ZNF727: variants seen among roughly 807,000 people sequenced by gnomAD.
ZNF727 encodes the protein zinc finger protein 727.
A neutral mutation model predicts 11.5 loss-of-function variants in ZNF727; 11 were observed. That is an observed-to-expected ratio of 0.95 (90% CI 0.60 to 1.58). The LOEUF is 1.58. Among genes scored for constraint, ZNF727 ranks in the 40% most tolerant of loss-of-function variants. ZNF727 has a pLI of 0.00. For missense variants in ZNF727, 533 were observed against 581.7 expected, an observed-to-expected ratio of 0.92 and a Z score of 0.86; for synonymous variants, 171 against 196.1, an observed-to-expected ratio of 0.87 and a Z score of 1.07.
At chr7:64,066,993 A>T (rs1353389005) in intron 1 of ZNF727, among the ~76,000 whole-genome samples, 6 of 152,152 alleles carry the variant, frequency 3.9e-5, no homozygotes, top group Non-Finnish European at 7.4e-5. Context: ...AATTTTTGCA[A>T]TCTATCCATC....
intron 2 of ZNF727, 86 bp downstream of exon 2, chr7:64,069,103 A>G: frequency 7.1e-7 from 1 of 1,400,398 alleles, no homozygotes; most frequent in Non-Finnish European, 9.4e-7. Flanking sequence ...CTTTGCATAA[A>G]TGAGTTTCAG....
At chr7:64,045,675 C>G in intron 1 of ZNF727, 51 bp downstream of exon 1, 1 of 1,553,404 alleles carries the variant, frequency 6.4e-7, no homozygotes, top group South Asian at 1.2e-5. Flanking sequence ...CTGTTTGAAT[C>G]CGGTCGGAAC....
intron 3 of ZNF727, among the ~76,000 whole-genome samples, chr7:64,074,203 G>A (rs1562797276): frequency 1.3e-5 from 2 of 152,162 alleles, no homozygotes; most frequent in African/African-American, 2.4e-5. Flanking sequence ...GTCCAAAGGC[G>A]AAGGAGAAAA....
chr7:64,065,971 G>C (rs1401828013), intron 1 of ZNF727, among the ~76,000 whole-genome samples: 2 of 152,096 alleles, frequency 1.3e-5, no homozygotes, highest in Non-Finnish European at 2.9e-5. Context: ...CAGGTCCTTG[G>C]TTATCACTGA....
chr7:64,061,206 T>C (rs1022284523), intron 1 of ZNF727, among the ~76,000 whole-genome samples: 1 of 152,146 alleles, frequency 6.6e-6, no homozygotes, highest in Non-Finnish European at 1.5e-5. Flanking sequence ...ATAGTGCAGA[T>C]TAAGTCCAAT....
At chr7:64,051,983 G>A (rs1347004831) in intron 1 of ZNF727, among the ~76,000 whole-genome samples, 4 of 152,136 alleles carry the variant, frequency 2.6e-5, no homozygotes, top group Non-Finnish European at 4.4e-5. Flanking sequence ...CATTTGCAAG[G>A]TGAAGCTCCA....
At chr7:64,074,961 T>TC (rs1292340266) in intron 3 of ZNF727, among the ~76,000 whole-genome samples, 1 of 152,088 alleles carries the variant, frequency 6.6e-6, no homozygotes, top group African/African-American at 2.4e-5. Context: ...TTTTTTTCTT[T>TC]CTTTCTGATT....
intron 1 of ZNF727, among the ~76,000 whole-genome samples, chr7:64,060,372 A>G (rs1789751081): frequency 6.6e-6 from 1 of 152,222 alleles, no homozygotes; most frequent in African/African-American, 2.4e-5. Flanking sequence ...GATACGCACA[A>G]GGCTTTAGTT....
rs1398854705 is a variant in ZNF727, at chr7:64,082,220, G to A, written c.*3671G>A. 1.3e-5 allele frequency among the ~76,000 whole-genome samples: 2 copies of A among 152,190 alleles called. No homozygotes were observed. The highest frequency in any genetic ancestry group is 2.9e-5 in the Non-Finnish European group (2 of 68,048). On this transcript the variant is annotated 3_prime_UTR_variant, in exon 4 of 4. Transcript: ENST00000456806. ...GCTCTGTCTAGGGAGTTGCGAAGTT[G>A]CTACTGGCTCAATAGCTCTGGCAAT...
At chr7:64,047,758 C>G (rs998517458) in intron 1 of ZNF727, among the ~76,000 whole-genome samples, 6 of 152,078 alleles carry the variant, frequency 3.9e-5, no homozygotes, top group Non-Finnish European at 7.4e-5. Context: ...ATTTTTTTCC[C>G]TCTCAACCCT....
chr7:64,072,583 A>G (rs1789979077), intron 3 of ZNF727, among the ~76,000 whole-genome samples: 1 of 152,112 alleles, frequency 6.6e-6, no homozygotes, highest in Non-Finnish European at 1.5e-5. Flanking sequence ...AGTAAAGGCC[A>G]AGGTCTGCAG....
At chr7:64,065,885 G>A (rs902945637) in intron 1 of ZNF727, among the ~76,000 whole-genome samples, 8 of 152,238 alleles carry the variant, frequency 5.3e-5, no homozygotes, top group Admixed American at 5.2e-4. Flanking sequence ...ATAACCTGCA[G>A]CATTACAAAT....
At chr7:64,053,468 G>A (rs1447588248) in intron 1 of ZNF727, among the ~76,000 whole-genome samples, 2 of 152,072 alleles carry the variant, frequency 1.3e-5, no homozygotes, top group Non-Finnish European at 2.9e-5. Flanking sequence ...TTACAGGTGT[G>A]TGCCATTATG....
chr7:64,066,042 G>A (rs1789861025), intron 1 of ZNF727, among the ~76,000 whole-genome samples: 2 of 152,132 alleles, frequency 1.3e-5, no homozygotes. Flanking sequence ...TTATAAAAAT[G>A]CACATTTAAT....
intron 3 of ZNF727, among the ~76,000 whole-genome samples, chr7:64,070,406 TA>T (rs1344374084): frequency 7.3e-5 from 11 of 151,188 alleles, no homozygotes; most frequent in Non-Finnish European, 1.3e-4. Context: ...TTATTTAGTA[TA>T]AAGCTTACTG....
rs939557090 is a variant in ZNF727 at position 64,083,820 on chromosome 7, G to C, written c.*5271G>C. 1.3e-5 allele frequency among the ~76,000 whole-genome samples: 2 copies of C among 152,086 alleles called. No individual in the cohort carries two copies. Among genetic ancestry groups the C allele is most frequent in the African/African-American group, 2.4e-5 (1 of 41,420 alleles). On this transcript the variant is annotated 3_prime_UTR_variant, in exon 4 of 4. Coordinates refer to ENST00000456806, the MANE Select transcript of ZNF727 (RefSeq NM_001159522.3). ...GTAAGTTAAGTTGTTTCTTTCATTA[G>C]TTCCAATGCAAGTACCTGGATGTTT...
In ZNF727 at chr7:64,059,971, T is replaced by C. The variant is rs1258829438; in HGVS notation, c.4-8920T>C. On this transcript the variant is annotated intron_variant, in intron 1 of 3. Transcript: ENST00000456806. The stretch of plus-strand genomic sequence containing the variant: ...AACCATTGCTTTGAAATGTAAATGG[T>C]TTACATTTCTGTTGGACAGTAGGTA... Among the ~76,000 whole-genome samples the C allele has an allele frequency of 2.0e-5, 3 of 152,244 alleles. No individual in the cohort carries two copies. The East Asian group carries it at 5.8e-4, about 29-fold the overall frequency.
At position 64,081,841 on chromosome 7, in the gene ZNF727, G is replaced by T. The variant is rs1181521161; in HGVS notation, c.*3292G>T. ...CGTCAATGGCCACACTCTACTACAGGTGCTCTTGCACTAAACCCTCTGGGT... is the reference window on the plus strand; with the variant it reads ...CGTCAATGGCCACACTCTACTACAGTTGCTCTTGCACTAAACCCTCTGGGT... On this transcript the variant is annotated 3_prime_UTR_variant, in exon 4 of 4. Coordinates refer to ENST00000456806, the MANE Select transcript of ZNF727 (RefSeq NM_001159522.3). 1.3e-5 allele frequency among the ~76,000 whole-genome samples: 2 copies of T among 152,140 alleles called. No individual in the cohort carries two copies. Among genetic ancestry groups the T allele is most frequent in the Non-Finnish European group, 2.9e-5 (2 of 68,038 alleles).
At chr7:64,048,096 C>A (rs188199227) in intron 1 of ZNF727, among the ~76,000 whole-genome samples, 1 of 152,068 alleles carries the variant, frequency 6.6e-6, no homozygotes, top group African/African-American at 2.4e-5. Flanking sequence ...TACTTCACCC[C>A]GTGTTTGTTG....
Sources: allele counts gnomAD v4.1 joint callset (sites outside exome capture counted in the v4.1 genomes callset), GRCh38; gene constraint gnomAD v4.1.1; transcripts MANE v1.5; gene names NCBI Gene and HGNC (gene_info 2026-07-23, HGNC 2026-07-21).